PTPRG: variants seen among roughly 807,000 people sequenced by gnomAD.
PTPRG encodes receptor-type tyrosine-protein phosphatase gamma.
Under a neutral mutation model 165.3 loss-of-function variants are expected in PTPRG, and 102 were observed. The ratio of observed to expected loss-of-function variants is 0.62; its 90% CI spans 0.53 to 0.73. The LOEUF (loss-of-function observed/expected upper bound fraction) is 0.73, where lower values mean the gene tolerates loss of function less well. Among genes scored for constraint, PTPRG ranks in the 30% least tolerant of loss-of-function variants. PTPRG has a pLI of 0.00. For synonymous variants in PTPRG, 675 were observed against 669.5 expected, an observed-to-expected ratio of 1.01 and a Z score of -0.13; for missense variants, 1,866 against 1,861.4, an observed-to-expected ratio of 1.00 and a Z score of -0.05.
intron 1 of PTPRG, among the ~76,000 whole-genome samples, chr3:61,676,982 C>T (rs1321136052): frequency 6.6e-6 from 1 of 152,066 alleles, no homozygotes; most frequent in African/African-American, 2.4e-5. Flanking sequence ...CATGGTGGCT[C>T]AGGCCTGTAA....
intron 2 of PTPRG, among the ~76,000 whole-genome samples, chr3:61,831,036 TAC>T (rs2036275564): frequency 6.6e-6 from 1 of 152,244 alleles, no homozygotes; most frequent in African/African-American, 2.4e-5. Flanking sequence ...CCTTAGCTTG[TAC>T]TGTCTGATAT....
intron 2 of PTPRG, among the ~76,000 whole-genome samples, chr3:61,917,625 C>T (rs1451578018): frequency 6.6e-6 from 1 of 152,160 alleles, no homozygotes; most frequent in Non-Finnish European, 1.5e-5. Flanking sequence ...ATTAAGGTTG[C>T]TTTTCAGAAG....
intron 10 of PTPRG, among the ~76,000 whole-genome samples, chr3:62,200,720 C>A (rs370541628): frequency 2.0e-5 from 3 of 151,988 alleles, no homozygotes; most frequent in African/African-American, 7.2e-5. Flanking sequence ...ATGGTTAATA[C>A]GAAATCATTA....
chr3:61,641,354 G>A (rs1229194457), intron 1 of PTPRG, among the ~76,000 whole-genome samples: 2 of 152,118 alleles, frequency 1.3e-5, no homozygotes, highest in Non-Finnish European at 2.9e-5. Context: ...GAACAAAGTG[G>A]AAATCTCGGG....
rs575098064 is a variant in PTPRG at position 61,710,443 on chromosome 3, A to G, written c.86-38435A>G. ...GCCCCATTTTAAAAGTAAGTAAACG[A>G]AGGCTTAGATATAAGAGGAAACTTC... On this transcript the variant is annotated intron_variant, in intron 1 of 29. Coordinates refer to ENST00000474889, the MANE Select transcript of PTPRG (RefSeq NM_002841.4). 8.5e-5 allele frequency among the ~76,000 whole-genome samples: 13 copies of G among 152,254 alleles called. No homozygotes were observed. The South Asian group carries it at 2.5e-3, about 29-fold the overall frequency.
At chr3:61,643,965 C>A (rs993226795) in intron 1 of PTPRG, among the ~76,000 whole-genome samples, 2 of 152,150 alleles carry the variant, frequency 1.3e-5, no homozygotes, top group Non-Finnish European at 2.9e-5. Context: ...CCAAGTTTGT[C>A]CTCCTTCCTG....
In PTPRG at chr3:61,636,106, G is replaced by A. The variant is rs1469422281; in HGVS notation, c.85+73734G>A. On this transcript the variant is annotated intron_variant, in intron 1 of 29. Transcript: ENST00000474889. The stretch of plus-strand genomic sequence containing the variant: ...TGAAGGTCAGTTTAGCTTTCCTATC[G>A]TCTAAAGTACTGTATATTGCTGTCT... Among the ~76,000 whole-genome samples the A allele has an allele frequency of 6.6e-5, 10 of 152,034 alleles. No individual in the cohort carries two copies. The East Asian group carries it at 7.7e-4, about 12-fold the overall frequency.
At chr3:61,895,829 T>C (rs2038339877) in intron 2 of PTPRG, among the ~76,000 whole-genome samples, 1 of 152,226 alleles carries the variant, frequency 6.6e-6, no homozygotes, top group African/African-American at 2.4e-5. Flanking sequence ...ATTCTCACCA[T>C]GTAATTTCTC....
Position 61,851,526 on chromosome 3 carries a change from A to C in PTPRG, c.190+102544A>C, listed in dbSNP as rs370114175. Among the ~76,000 whole-genome samples, 30 of 152,280 alleles carry C rather than the reference A, an allele frequency of 2.0e-4. 2 individuals carry two copies. Among genetic ancestry groups the C allele is most frequent in the African/African-American group, 7.2e-4 (30 of 41,552 alleles). ...TGGCGTGCTTTATCTGTATAAACGT[A>C]CCTAACATTTTCCAAATGTGCTTTT... is the stretch of plus-strand genomic sequence containing the variant. On this transcript the variant is annotated intron_variant, in intron 2 of 29. Coordinates refer to ENST00000474889, the MANE Select transcript of PTPRG (RefSeq NM_002841.4).
At chr3:61,848,760 C>G (rs2107357113) in intron 2 of PTPRG, among the ~76,000 whole-genome samples, 1 of 152,234 alleles carries the variant, frequency 6.6e-6, no homozygotes, top group Non-Finnish European at 1.5e-5. Flanking sequence ...GAAGACACAC[C>G]CACACACATG....
In PTPRG at chr3:61,981,718, A is replaced by G. The variant is rs140908321; in HGVS notation, c.191-7907A>G. ...ATTTGATTCTTCCAGGTATTACAGG[A>G]CGTGCTCCGATTGAATTTAGAACTC... On this transcript the variant is annotated intron_variant, in intron 2 of 29. Coordinates refer to ENST00000474889, the MANE Select transcript of PTPRG (RefSeq NM_002841.4). Among the ~76,000 whole-genome samples, 786 of 152,288 alleles carry G rather than the reference A, an allele frequency of 5.2e-3. 4 individuals carry two copies. The highest frequency in any genetic ancestry group is 8.2e-3 in the Non-Finnish European group (555 of 68,016).
intron 6 of PTPRG, among the ~76,000 whole-genome samples, chr3:62,150,504 T>A (rs1704291277): frequency 6.6e-6 from 1 of 152,210 alleles, no homozygotes; most frequent in African/African-American, 2.4e-5. Flanking sequence ...TGCCTGCACA[T>A]TGAAGTTTAA....
intron 28 of PTPRG, among the ~76,000 whole-genome samples, chr3:62,290,363 G>C (rs1470846802): frequency 6.6e-6 from 1 of 152,064 alleles, no homozygotes; most frequent in Non-Finnish European, 1.5e-5. Context: ...TAACAATCTG[G>C]TTTCAAAATT....
intron 1 of PTPRG, among the ~76,000 whole-genome samples, chr3:61,714,066 A>C (rs2031695482): frequency 6.6e-6 from 1 of 152,206 alleles, no homozygotes; most frequent in Admixed American, 6.5e-5. Flanking sequence ...AATCCTTTCT[A>C]ATATGTCTTT....
chr3:62,283,223 T>C (rs1352927894), intron 28 of PTPRG, among the ~76,000 whole-genome samples: 2 of 152,124 alleles, frequency 1.3e-5, no homozygotes, highest in East Asian at 3.8e-4. Flanking sequence ...TTAAAAATCC[T>C]TACACTGAAT....
intron 5 of PTPRG, among the ~76,000 whole-genome samples, chr3:62,122,857 C>T (rs1703129173): frequency 6.6e-6 from 1 of 152,112 alleles, no homozygotes; most frequent in African/African-American, 2.4e-5. Context: ...CTTTTGATAG[C>T]TGATGCAGCA....
chr3:61,792,994 T>TG (rs2034933772), intron 2 of PTPRG, among the ~76,000 whole-genome samples: 1 of 152,112 alleles, frequency 6.6e-6, no homozygotes, highest in Admixed American at 6.5e-5. Context: ...TCCAAAGTGC[T>TG]GGGATTACAG....
chr3:62,198,186 A>G (rs1178210123), intron 10 of PTPRG, among the ~76,000 whole-genome samples: 1 of 152,238 alleles, frequency 6.6e-6, no homozygotes, highest in Non-Finnish European at 1.5e-5. Flanking sequence ...AATAGCAAGC[A>G]ATATTTGTAG....
chr3:61,936,227 CAG>C lies in PTPRG; in HGVS notation c.191-53397_191-53396del, dbSNP rs2039480972. On this transcript the variant is annotated intron_variant, in intron 2 of 29. Coordinates refer to ENST00000474889, the MANE Select transcript of PTPRG (RefSeq NM_002841.4). ...AGATTTCTGTTCTTTATCAATTACT[CAG>C]TTGCAGGAATTTTGTTACAGCAGCA... Among the ~76,000 whole-genome samples the C allele has an allele frequency of 2.6e-5, 4 of 152,262 alleles. No individual in the cohort carries two copies. The South Asian group carries it at 8.3e-4, about 32-fold the overall frequency.
Sources: allele counts gnomAD v4.1 joint callset (sites outside exome capture counted in the v4.1 genomes callset), GRCh38; gene constraint gnomAD v4.1.1; transcripts MANE v1.5; gene names NCBI Gene and HGNC (gene_info 2026-07-23, HGNC 2026-07-21).